Variants in EIF2AK1 observed in about 807,000 individuals in gnomAD.
EIF2AK1 encodes the protein eukaryotic translation initiation factor 2-alpha kinase 1.
A neutral mutation model predicts 77.9 loss-of-function variants in EIF2AK1; 54 were observed. That is an observed-to-expected ratio of 0.69 (90% CI 0.56 to 0.87). The LOEUF (loss-of-function observed/expected upper bound fraction) is 0.87. Ranked by LOEUF, EIF2AK1 falls within the 40% of genes least tolerant of loss-of-function variation. The probability of loss-of-function intolerance (pLI) is 0.00; values close to 1 mark genes in which losing one functional copy is unlikely to be tolerated. For missense variants in EIF2AK1, 810 were observed against 768.6 expected, an observed-to-expected ratio of 1.05 and a Z score of -0.64; for synonymous variants, 314 against 290.5, an observed-to-expected ratio of 1.08 and a Z score of -0.82.
rs1286531564 is a variant in EIF2AK1, at chr7:6,040,937, G to A, written c.1074C>T (p.Thr358=). The change falls in exon 9 of 15, where the codon ACC becomes ACT. Residue 358 remains threonine, a synonymous_variant. Coordinates refer to ENST00000199389, the MANE Select transcript of EIF2AK1 (RefSeq NM_014413.4). ...TGACATTTTCTTCGGAAGATTCTTC[G>A]GTGGATGTGAAACTCTCCTCTAGGT... ...NSHLEESFTS[T]EESSEENVNF... 15 of 1,613,982 alleles carry A rather than the reference G, an allele frequency of 9.3e-6. No individual in the cohort carries two copies. The highest frequency in any genetic ancestry group is 8.9e-5 in the East Asian group (4 of 44,896).
At chr7:6,056,517 T>C (rs1454825490) in intron 1 of EIF2AK1, among the ~76,000 whole-genome samples, 1 of 138,898 alleles carries the variant, frequency 7.2e-6, no homozygotes, top group Non-Finnish European at 1.5e-5. Flanking sequence ...TGCTTAAACC[T>C]GGAGGGGCGG....
At chr7:6,040,714 T>C (rs997821029) in intron 9 of EIF2AK1, among the ~76,000 whole-genome samples, 178 bp downstream of exon 9, 6 of 151,994 alleles carry the variant, frequency 3.9e-5, no homozygotes, top group African/African-American at 1.4e-4. Flanking sequence ...GTGGAGGAGT[T>C]AACTAAGTGA....
chr7:6,031,420 C>G, intron 11 of EIF2AK1: 2 of 1,550,814 alleles, frequency 1.3e-6, no homozygotes, highest in Non-Finnish European at 1.7e-6. Flanking sequence ...TGGTGGTTGA[C>G]AGTGCCAAGT....
Position 6,036,191 on chromosome 7 carries a change from C to A in EIF2AK1, c.1332+1233G>T. The A allele has an allele frequency of 6.5e-7, 1 of 1,549,764 alleles. No individual in the cohort carries two copies. Among genetic ancestry groups the A allele is most frequent in the Non-Finnish European group, 8.7e-7 (1 of 1,146,530 alleles). On this transcript the variant is annotated intron_variant, in intron 11 of 14. Coordinates refer to ENST00000199389, the MANE Select transcript of EIF2AK1 (RefSeq NM_014413.4). This position sits in a 1 kb window ranked among gnomAD's most constrained non-coding sequence, Gnocchi z 4.6. Reference sequence around the variant, plus strand: ...ACCAAGGAATTCTACCTGCAGGAATCATGCTACCAGAATTCCGCCTCTTAA... The same window carrying A: ...ACCAAGGAATTCTACCTGCAGGAATAATGCTACCAGAATTCCGCCTCTTAA...
chr7:6,026,556 C>A, intron 14 of EIF2AK1, 172 bp downstream of exon 14: 1 of 716,336 alleles, frequency 1.4e-6, no homozygotes. Flanking sequence ...TGCCAGCACA[C>A]CCTGCAGCTG....
intron 2 of EIF2AK1, among the ~76,000 whole-genome samples, chr7:6,050,709 T>G (rs1273250597): frequency 6.6e-6 from 1 of 150,432 alleles, no homozygotes; most frequent in Admixed American, 6.7e-5. Context: ...TTCATGCCAT[T>G]CTCCTGCCTC....
At chr7:6,056,613 A>AAAATATATATATATATATATATATAT in intron 1 of EIF2AK1, among the ~76,000 whole-genome samples, 3 of 43,726 alleles carry the variant, frequency 6.9e-5, no homozygotes, top group Non-Finnish European at 9.4e-5. Flanking sequence ...AAAAAAAAAA[A>AAAATATATATATATATATATATATAT]ATATATATAT....
intron 9 of EIF2AK1, among the ~76,000 whole-genome samples, chr7:6,039,802 TG>T (rs754641358): frequency 1.0e-4 from 15 of 147,800 alleles, no homozygotes; most frequent in Non-Finnish European, 2.2e-4. Context: ...CTGGGCGTGG[TG>T]GTGGGCGCCT....
rs745353670 is a variant in EIF2AK1 at position 6,041,175 on chromosome 7, A to G, written c.836T>C (p.Ile279Thr). ...TTCTGGGGTGGGCTCAGCAAAGATA[A>G]TGGATGAGCTGCTACTTTCATCATT... Reference protein sequence around the residue: ...VKNDESSSSSIIFAEPTPEKE... With the variant: ...VKNDESSSSSTIFAEPTPEKE... Residue 279 changes from isoleucine (I) to threonine (T), a missense_variant, in exon 9 of 15, where the codon ATT (isoleucine) becomes ACT (threonine). By Grantham distance (89) the Ile-to-Thr change is moderately conservative. Transcript: ENST00000199389. The G allele has an allele frequency of 8.1e-5, 130 of 1,613,372 alleles. 1 individual carries two copies. The Admixed American group carries it at 2.1e-3, about 26-fold the overall frequency.
At chr7:6,046,840 T>A in intron 5 of EIF2AK1, 152 bp downstream of exon 5, 1 of 597,272 alleles carries the variant, frequency 1.7e-6, no homozygotes, top group Non-Finnish European at 2.8e-6. Context: ...AGTCAGAGGT[T>A]GCAGTGAGCT....
At chr7:6,044,437 CAA>C in intron 7 of EIF2AK1, 123 bp downstream of exon 7, 5 of 733,222 alleles carry the variant, frequency 6.8e-6, no homozygotes, top group East Asian at 3.1e-5. Flanking sequence ...GACTCCGTCT[CAA>C]AAAAAAATAT....
Position 6,045,898 on chromosome 7 carries a change from C to A in EIF2AK1, c.630+173G>T, listed in dbSNP as rs373612270. 2.3e-4 allele frequency among the ~76,000 whole-genome samples: 35 copies of A among 151,712 alleles called. No homozygotes were observed. The East Asian group carries it at 3.9e-3, about 17-fold the overall frequency. On this transcript the variant is annotated intron_variant, in intron 6 of 14. Transcript: ENST00000199389. ...TGGCCAAAAGAGTGAAACTCCATCT[C>A]AAAACAAAAAATAATAATAATTTAA...
At position 6,031,367 on chromosome 7, in the gene EIF2AK1, G is replaced by C. The variant is rs995552378; in HGVS notation, c.1333-2335C>G. 14 of 1,549,980 alleles carry C rather than the reference G, an allele frequency of 9.0e-6. No individual in the cohort carries two copies. In the Admixed American group the frequency reaches 2.7e-4, roughly 30 times the overall value. ...ACAACATTTTCCCCTGAAGTCTTAA[G>C]TTTTTCTCATGGGGAATATAACCAG... On this transcript the variant is annotated intron_variant, in intron 11 of 14. Coordinates refer to ENST00000199389, the MANE Select transcript of EIF2AK1 (RefSeq NM_014413.4).
chr7:6,053,621 C>T (rs1015933891), intron 2 of EIF2AK1, among the ~76,000 whole-genome samples: 3 of 151,082 alleles, frequency 2.0e-5, no homozygotes, highest in Non-Finnish European at 2.9e-5. Flanking sequence ...CCTCAGTCTC[C>T]CAAAGTGCTG....
intron 3 of EIF2AK1, among the ~76,000 whole-genome samples, chr7:6,049,224 T>A (rs945036289): frequency 6.9e-6 from 1 of 144,064 alleles, no homozygotes; most frequent in African/African-American, 2.6e-5. Flanking sequence ...CTAATCAAAA[T>A]CCTGTACCAC....
At chr7:6,030,901 C>T (rs997346264) in intron 11 of EIF2AK1, among the ~76,000 whole-genome samples, 4 of 152,098 alleles carry the variant, frequency 2.6e-5, no homozygotes, top group Non-Finnish European at 4.4e-5. Context: ...AGAGTACAGA[C>T]CCAAAACATC....
At chr7:6,044,200 CA>C (rs1788379715) in intron 7 of EIF2AK1, among the ~76,000 whole-genome samples, 2 of 152,048 alleles carry the variant, frequency 1.3e-5, no homozygotes, top group African/African-American at 4.8e-5. Flanking sequence ...CGCGGTGGCT[CA>C]TGCCTGTAAT....
intron 11 of EIF2AK1, 38 bp downstream of exon 11, chr7:6,037,386 C>A (rs903868168): frequency 4.4e-6 from 6 of 1,363,472 alleles, no homozygotes; most frequent in African/African-American, 1.4e-5. Context: ...TGATACAAAG[C>A]TCCCACTGCT....
In EIF2AK1 at chr7:6,023,654, T is replaced by G; in HGVS notation, c.*1019A>C. 6.2e-7 allele frequency: 1 copy of G among 1,614,146 alleles called. No individual in the cohort carries two copies. Among genetic ancestry groups the G allele is most frequent in the Non-Finnish European group, 8.5e-7 (1 of 1,180,018 alleles). On this transcript the variant is annotated 3_prime_UTR_variant, in exon 15 of 15. Transcript: ENST00000199389. ...AGGTGGATGAGGTCTTGTGAAAACC[T>G]GGCTCCTTTTAACACGGCCCTCAAG...
Sources: allele counts gnomAD v4.1 joint callset (sites outside exome capture counted in the v4.1 genomes callset), GRCh38; gene constraint gnomAD v4.1.1; non-coding constraint Gnocchi (gnomAD v3.1); transcripts MANE v1.5; gene names NCBI Gene and HGNC (gene_info 2026-07-23, HGNC 2026-07-21).